The following KLHL32 variants were observed in gnomAD, a reference collection of about 807,000 sequenced individuals.
KLHL32 encodes the protein kelch-like protein 32.
KLHL32 carries 35 observed loss-of-function variants against 64.8 expected under a neutral mutation model. The observed-to-expected ratio is 0.54, with a 90% CI of 0.41 to 0.72. The LOEUF (loss-of-function observed/expected upper bound fraction) is 0.72, where lower values mean the gene tolerates loss of function less well. Ranked by LOEUF, KLHL32 falls within the 30% of genes least tolerant of loss-of-function variation. KLHL32 has a pLI of 0.00. For missense variants in KLHL32, 589 were observed against 768.5 expected (o/e 0.77, Z 2.76); for synonymous variants, 259 against 281.0 (o/e 0.92, Z 0.78).
intron 6 of KLHL32, among the ~76,000 whole-genome samples, chr6:97,101,405 G>A (rs1795710903): frequency 6.6e-6 from 1 of 152,132 alleles, no homozygotes; most frequent in Non-Finnish European, 1.5e-5. Flanking sequence ...TAAGCCTCGA[G>A]TTTTATGATA....
intron 3 of KLHL32, among the ~76,000 whole-genome samples, chr6:96,992,016 GA>G (rs1777936943): frequency 6.6e-6 from 1 of 152,186 alleles, no homozygotes; most frequent in African/African-American, 2.4e-5. Flanking sequence ...GCCTGCCTGC[GA>G]CCCGAGAGCT....
chr6:97,004,508 G>A (rs112705931), intron 3 of KLHL32, among the ~76,000 whole-genome samples: 2 of 152,222 alleles, frequency 1.3e-5, no homozygotes, highest in African/African-American at 4.8e-5. Context: ...GACTTCCAGT[G>A]CTGTGTTGAA....
chr6:97,087,048 A>G (rs1793526665), intron 6 of KLHL32, among the ~76,000 whole-genome samples: 1 of 152,228 alleles, frequency 6.6e-6, no homozygotes, highest in African/African-American at 2.4e-5. Context: ...AAGAGTTATC[A>G]TAATTGCCTC....
chr6:96,967,145 G>T, intron 2 of KLHL32, 62 bp downstream of exon 2: 1 of 1,467,178 alleles, frequency 6.8e-7, no homozygotes, highest in Non-Finnish European at 9.5e-7. Context: ...TGCATTGCAC[G>T]TTCTAGGATC....
chr6:97,123,336 C>T lies in KLHL32; in HGVS notation c.1355-4068C>T, dbSNP rs574207460. On this transcript the variant is annotated intron_variant, in intron 7 of 10. Coordinates refer to ENST00000369261, the MANE Select transcript of KLHL32 (RefSeq NM_052904.4). ...GTCATCTCTCCAGTATGCACTCATC[C>T]ATTTGTCACAACATTTTGTGGCGAG... 2.0e-5 allele frequency among the ~76,000 whole-genome samples: 3 copies of T among 152,280 alleles called. No individual in the cohort carries two copies. In the East Asian group the frequency reaches 5.8e-4, roughly 29 times the overall value.
At chr6:96,945,238 T>G (rs1771777946) in intron 1 of KLHL32, among the ~76,000 whole-genome samples, 1 of 152,260 alleles carries the variant, frequency 6.6e-6, no homozygotes, top group African/African-American at 2.4e-5. Flanking sequence ...TAATTGTGGA[T>G]AGTGCATGGC....
At chr6:96,973,730 C>CTCTTTTTTTTTTTTTT (rs1554208428) in intron 2 of KLHL32, among the ~76,000 whole-genome samples, 4 of 118,250 alleles carry the variant, frequency 3.4e-5, no homozygotes, top group African/African-American at 1.3e-4. Flanking sequence ...TACAGATTGC[C>CTCTTTTTTTTTTTTTT]TTTTTTTTTT....
intron 5 of KLHL32, among the ~76,000 whole-genome samples, chr6:97,073,612 G>A (rs1297552090): frequency 6.6e-6 from 1 of 152,100 alleles, no homozygotes; most frequent in South Asian, 2.1e-4. Context: ...AACACATATT[G>A]TCTGATTGGA....
chr6:97,049,588 C>CG (rs1402181149), intron 4 of KLHL32, among the ~76,000 whole-genome samples: 9 of 50,452 alleles, frequency 1.8e-4, no homozygotes, highest in South Asian at 7.0e-4. Context: ...TAACGGGGGG[C>CG]GGGGGGGAAC....
intron 1 of KLHL32, among the ~76,000 whole-genome samples, chr6:96,942,456 C>A (rs1469474340): frequency 1.3e-5 from 2 of 152,214 alleles, no homozygotes; most frequent in Non-Finnish European, 2.9e-5. Flanking sequence ...ACATCTTCAT[C>A]TAATCTGCCA....
chr6:97,052,055 A>G (rs749746541), intron 4 of KLHL32, among the ~76,000 whole-genome samples: 4 of 152,248 alleles, frequency 2.6e-5, no homozygotes, highest in Non-Finnish European at 5.9e-5. Context: ...CCTAGACAAT[A>G]TAACATACTT....
chr6:97,049,338 A>G (rs1786458924), intron 4 of KLHL32, among the ~76,000 whole-genome samples: 1 of 152,240 alleles, frequency 6.6e-6, no homozygotes, highest in Admixed American at 6.5e-5. Flanking sequence ...GTGGTCTGAT[A>G]ACCCAGAGGG....
chr6:97,138,118 A>G (rs749689556), intron 10 of KLHL32, among the ~76,000 whole-genome samples: 3 of 152,238 alleles, frequency 2.0e-5, no homozygotes, highest in Non-Finnish European at 4.4e-5. Flanking sequence ...GCAGACTTGA[A>G]AGAGCCTAAT....
chr6:96,936,317 A>C (rs995072503), intron 1 of KLHL32, among the ~76,000 whole-genome samples: 3 of 152,258 alleles, frequency 2.0e-5, no homozygotes. Flanking sequence ...CCTACCTTAT[A>C]GTGAAGGAAG....
upstream of KLHL32, chr6:96,924,571 G>C (rs570262658): frequency 6.6e-6 from 1 of 152,178 alleles, no homozygotes; most frequent in South Asian, 1.9e-4. Context: ...GCGGGGGAGG[G>C]GGAGGGAGCG....
chr6:97,138,521 C>A (rs1052692878), intron 10 of KLHL32, among the ~76,000 whole-genome samples: 3 of 151,930 alleles, frequency 2.0e-5, no homozygotes, highest in African/African-American at 7.3e-5. Context: ...CAGAGCAAGA[C>A]CCTGTCTCAA....
intron 6 of KLHL32, among the ~76,000 whole-genome samples, chr6:97,091,854 G>T (rs1424957129): frequency 6.6e-6 from 1 of 152,114 alleles, no homozygotes; most frequent in East Asian, 1.9e-4. Context: ...AATTCTACAA[G>T]CTGTGTTCAT....
rs778839542 is a variant in KLHL32 at position 97,127,419 on chromosome 6, C to T, written c.1370C>T (p.Thr457Met). 1.9e-5 allele frequency: 31 copies of T among 1,612,778 alleles called. No individual in the cohort carries two copies. The highest frequency in any genetic ancestry group is 1.1e-4 in the East Asian group (5 of 44,838). ...LLWISGGVTN[T>M]AQYQNRLMVY... The stretch of plus-strand genomic sequence containing the variant: ...TCCATTACAGGTGGAGTAACTAATA[C>T]GGCACAATATCAGAACAGGCTAATG... Residue 457 changes from threonine (T) to methionine (M), a missense_variant, in exon 8 of 11, where the codon ACG becomes ATG. By Grantham distance (81) the Thr-to-Met change is moderately conservative (BLOSUM62 -1). This residue lies in a region of KLHL32 where 226 missense variants were observed against 353.2 expected (regional missense o/e 0.64). Transcript: ENST00000369261.
chr6:96,947,838 C>A (rs1249637209), intron 1 of KLHL32, among the ~76,000 whole-genome samples: 2 of 152,128 alleles, frequency 1.3e-5, no homozygotes, highest in African/African-American at 2.4e-5. Flanking sequence ...TCCAGAGTCA[C>A]ACTGGTAGTG....
Sources: allele counts gnomAD v4.1 joint callset (sites outside exome capture counted in the v4.1 genomes callset), GRCh38; gene constraint gnomAD v4.1.1; regional missense constraint gnomAD v4.1.1; transcripts MANE v1.5; gene names NCBI Gene and HGNC (gene_info 2026-07-23, HGNC 2026-07-21).